CYTH1: variants seen among roughly 807,000 people sequenced by gnomAD.
CYTH1 encodes cytohesin-1.
Under a neutral mutation model 61.8 loss-of-function variants are expected in CYTH1, and 18 were observed. The observed-to-expected ratio is 0.29, with a 90% CI of 0.20 to 0.43. The LOEUF is 0.43. Ranked by LOEUF, CYTH1 falls within the 20% of genes least tolerant of loss-of-function variation. CYTH1 has a pLI of 1.00. For synonymous variants in CYTH1, 174 were observed against 184.3 expected (o/e 0.94, Z 0.45); for missense variants, 336 against 510.5 (o/e 0.66, Z 3.29).
intron 1 of CYTH1, among the ~76,000 whole-genome samples, chr17:78,771,262 AAAAAT>A (rs552253711): frequency 2.0e-5 from 3 of 152,132 alleles, no homozygotes; most frequent in Non-Finnish European, 2.9e-5. Context: ...ACCCTGTCTG[AAAAAT>A]AAAATAAAAT....
At chr17:78,748,396 CA>C (rs1453137778) in intron 1 of CYTH1, among the ~76,000 whole-genome samples, 3 of 152,206 alleles carry the variant, frequency 2.0e-5, no homozygotes, top group Non-Finnish European at 4.4e-5. Context: ...AAAATGTTTA[CA>C]CATCCAACAG....
rs2092686412 is a variant in CYTH1, at chr17:78,675,342, G to C, written c.*749C>G. On this transcript the variant is annotated 3_prime_UTR_variant, in exon 14 of 14. Transcript: ENST00000446868. ...GGAAAAGCATCCGCGGGAGATGCCG[G>C]ACTGCACGCTGCTGCCGACTGCGAC... 6.6e-6 allele frequency: 1 copy of C among 152,338 alleles called. No homozygotes were observed. Among genetic ancestry groups the C allele is most frequent in the African/African-American group, 2.4e-5 (1 of 41,456 alleles). 9.4% of individuals were successfully genotyped at this position (152,338 alleles called of 1,614,324 possible).
At chr17:78,698,797 G>A in intron 8 of CYTH1, 23 bp downstream of exon 8, 1 of 1,548,584 alleles carries the variant, frequency 6.5e-7, no homozygotes, top group Non-Finnish European at 8.6e-7. Context: ...TGACTTGAAT[G>A]AAGACCATTC....
At chr17:78,762,180 A>G (rs145838805) in intron 1 of CYTH1, among the ~76,000 whole-genome samples, 19 of 152,354 alleles carry the variant, frequency 1.2e-4, no homozygotes, top group Admixed American at 2.6e-4. Context: ...GAGTACAAAA[A>G]CATTCCTAAG....
At chr17:78,697,186 G>T (rs1874761109) in intron 9 of CYTH1, among the ~76,000 whole-genome samples, 2 of 152,114 alleles carry the variant, frequency 1.3e-5, no homozygotes, top group Non-Finnish European at 2.9e-5. Context: ...TGTCAGTAAT[G>T]ACCAAGAGAG....
intron 1 of CYTH1, among the ~76,000 whole-genome samples, chr17:78,750,435 G>A (rs917254273): frequency 5.3e-5 from 8 of 152,150 alleles, no homozygotes; most frequent in Admixed American, 4.6e-4. Flanking sequence ...GCACTGGGAT[G>A]TCACAGCCTG....
At chr17:78,728,162 G>A (rs908536835) in intron 1 of CYTH1, among the ~76,000 whole-genome samples, 1 of 152,146 alleles carries the variant, frequency 6.6e-6, no homozygotes, top group African/African-American at 2.4e-5. Context: ...ATCTAGACAG[G>A]AAAAAGAAAC....
At chr17:78,766,242 G>T (rs1407418673) in intron 1 of CYTH1, among the ~76,000 whole-genome samples, 2 of 152,150 alleles carry the variant, frequency 1.3e-5, no homozygotes, top group African/African-American at 4.8e-5. Context: ...TGTTAAATGA[G>T]TTCTTTCAGC....
chr17:78,698,725 TA>T, intron 8 of CYTH1, 94 bp downstream of exon 8: 2 of 1,380,584 alleles, frequency 1.4e-6, no homozygotes, highest in Non-Finnish European at 9.6e-7. Context: ...AGACCCTTGA[TA>T]AATTGTATGT....
intron 11 of CYTH1, 61 bp from the exon 12 acceptor site, chr17:78,681,103 T>G (rs903729009): frequency 1.3e-6 from 2 of 1,553,408 alleles, no homozygotes; most frequent in African/African-American, 2.7e-5. Context: ...CACTGTCAGA[T>G]TCCTCGCCGG....
At chr17:78,715,667 C>T (rs1212786376) in intron 1 of CYTH1, among the ~76,000 whole-genome samples, 1 of 152,216 alleles carries the variant, frequency 6.6e-6, no homozygotes, top group African/African-American at 2.4e-5. Flanking sequence ...AACTCAACTA[C>T]AGGAAATCAC....
Position 78,773,460 on chromosome 17 carries a change from T to C in CYTH1, c.22+8742A>G, listed in dbSNP as rs552547829. On this transcript the variant is annotated intron_variant, in intron 1 of 13. Coordinates refer to ENST00000446868, the MANE Select transcript of CYTH1 (RefSeq NM_004762.6). Reference sequence around the variant, plus strand: ...GCCTTACCAACATGGTGAAACCCCATCTCTACTAAAAATACAAAAATCAGC... The same window carrying C: ...GCCTTACCAACATGGTGAAACCCCACCTCTACTAAAAATACAAAAATCAGC... Among the ~76,000 whole-genome samples the C allele has an allele frequency of 2.0e-5, 3 of 152,072 alleles. No homozygotes were observed. The South Asian group carries it at 6.2e-4, about 32-fold the overall frequency.
chr17:78,683,063 T>A (rs982716194), intron 11 of CYTH1, among the ~76,000 whole-genome samples: 1 of 152,252 alleles, frequency 6.6e-6, no homozygotes, highest in African/African-American at 2.4e-5. Context: ...TTCTGGGAGA[T>A]TTTCTTAATG....
chr17:78,721,572 C>T (rs892518555), intron 1 of CYTH1, among the ~76,000 whole-genome samples: 12 of 152,230 alleles, frequency 7.9e-5, no homozygotes, highest in African/African-American at 2.7e-4. Context: ...GGGAAGACTT[C>T]GGTCCTCTTC....
Position 78,700,250 on chromosome 17 carries a change from T to A in CYTH1, c.550+81A>T. On this transcript the variant is annotated intron_variant, in intron 7 of 13. Transcript: ENST00000446868. This position sits in a 1 kb window ranked among gnomAD's most constrained non-coding sequence, Gnocchi z 5.1. ...TCCTAGGCATGAATCTCAGCCCTTT[T>A]GTTTTAGAAATTATCTGGTGCCAAG... is the stretch of plus-strand genomic sequence containing the variant. 8.0e-7 allele frequency: 1 copy of A among 1,251,060 alleles called. No homozygotes were observed. Among genetic ancestry groups the A allele is most frequent in the Non-Finnish European group, 1.1e-6 (1 of 909,000 alleles). 77.5% of individuals were successfully genotyped at this position (1,251,060 alleles called of 1,614,324 possible).
chr17:78,749,906 G>A (rs1329928498), intron 1 of CYTH1, among the ~76,000 whole-genome samples: 1 of 152,062 alleles, frequency 6.6e-6, no homozygotes, highest in Non-Finnish European at 1.5e-5. Context: ...TCAAATTGCA[G>A]AAACTACTAT....
At chr17:78,749,673 A>G (rs2093372319) in intron 1 of CYTH1, among the ~76,000 whole-genome samples, 1 of 152,038 alleles carries the variant, frequency 6.6e-6, no homozygotes, top group South Asian at 2.1e-4. Context: ...AATAAAAAAA[A>G]ACCTAACTAA....
intron 9 of CYTH1, 138 bp downstream of exon 9, chr17:78,698,131 G>A (rs1438058670): frequency 3.6e-5 from 27 of 741,598 alleles, no homozygotes; most frequent in East Asian, 1.6e-4. Flanking sequence ...ATGCATGCGC[G>A]TGCACACACA....
intron 1 of CYTH1, among the ~76,000 whole-genome samples, chr17:78,729,726 T>C: frequency 6.6e-6 from 1 of 152,226 alleles, no homozygotes. Context: ...AATGAGGTGA[T>C]TTGTAAATGC....
Sources: allele counts gnomAD v4.1 joint callset (sites outside exome capture counted in the v4.1 genomes callset), GRCh38; gene constraint gnomAD v4.1.1; non-coding constraint Gnocchi (gnomAD v3.1); transcripts MANE v1.5; gene names NCBI Gene and HGNC (gene_info 2026-07-23, HGNC 2026-07-21).